The following ZNF469 variants were observed in gnomAD, a reference collection of about 807,000 sequenced individuals.
ZNF469 encodes zinc finger protein 469.
ZNF469 carries 1 observed loss-of-function variant against 1.0 expected under a neutral mutation model. That is an observed-to-expected ratio of 1.00 (90% CI 0.35 to 4.73). The LOEUF is 4.73. ZNF469 is among the 30% of genes most tolerant of loss of function. ZNF469 has a pLI of 0.16. For synonymous variants in ZNF469, 2,703 were observed against 2,363.4 expected (o/e 1.14, Z -4.17); for missense variants, 6,100 against 5,356.3 (o/e 1.14, Z -4.33).
At chr16:88,217,280 C>G in the ZNF469 span, among the ~76,000 whole-genome samples, 4 of 152,104 alleles carry the variant, frequency 2.6e-5, no homozygotes, top group Admixed American at 2.6e-4. Context: ...GCCAGGTACT[C>G]TGCTGAGTCA....
chr16:88,382,693 G>A (rs2092528290), upstream of ZNF469, among the ~76,000 whole-genome samples: 1 of 152,206 alleles, frequency 6.6e-6, no homozygotes, highest in African/African-American at 2.4e-5. Context: ...GCAGCCACTG[G>A]AAGCCACATG....
chr16:88,376,113 G>A, the ZNF469 span, among the ~76,000 whole-genome samples: 3 of 152,254 alleles, frequency 2.0e-5, no homozygotes, highest in African/African-American at 2.4e-5. Context: ...GGAGAAGGAC[G>A]CCGCTGTTCA....
At position 88,437,586 on chromosome 16, in the gene ZNF469, G is replaced by T; in HGVS notation, c.10116G>T (p.Arg3372=). 6.5e-7 allele frequency: 1 copy of T among 1,538,226 alleles called. No individual in the cohort carries two copies. ...QRVYLCPRCP[R]VYPEHGELLA... ...TCTACCTGTGCCCCCGGTGCCCCCG[G>T]GTCTACCCCGAGCACGGGGAGCTGC... The change falls in exon 3 of 3, where the codon CGG becomes CGT. Residue 3372 remains arginine (R), a synonymous_variant. Transcript: ENST00000565624.
chr16:88,313,328 A>G, the ZNF469 span, among the ~76,000 whole-genome samples: 1 of 152,248 alleles, frequency 6.6e-6, no homozygotes, highest in Admixed American at 6.5e-5. Context: ...AATCATATCA[A>G]CTAAAATGGT....
upstream of ZNF469, among the ~76,000 whole-genome samples, chr16:88,382,555 C>T (rs137874811): frequency 2.6e-5 from 4 of 152,344 alleles, no homozygotes; most frequent in Non-Finnish European, 5.9e-5. Context: ...CCACTCAAAC[C>T]GAACTTGCCC....
chr16:88,216,900 C>A, the ZNF469 span, among the ~76,000 whole-genome samples: 1 of 151,886 alleles, frequency 6.6e-6, no homozygotes, highest in Non-Finnish European at 1.5e-5. Flanking sequence ...CTGTCTTCTT[C>A]TTTGTCTAAT....
rs531001062 is a variant in ZNF469 at position 88,431,434 on chromosome 16, C to T, written c.3964C>T (p.Arg1322Cys). Residue 1322 changes from arginine (R) to cysteine (C), a missense_variant, in exon 3 of 3, where the codon CGC (arginine) becomes TGC (cysteine). Transcript: ENST00000565624. Reference sequence around the variant, plus strand: ...CCACAACAGCAAGGACCCCCCTGCCCGCCAGCCTGGAGAATTTCTGGCACC... The same window carrying T: ...CCACAACAGCAAGGACCCCCCTGCCTGCCAGCCTGGAGAATTTCTGGCACC... ...VSHNSKDPPARQPGEFLAPVA... is the reference protein window; with the variant it reads ...VSHNSKDPPACQPGEFLAPVA... 2.6e-6 allele frequency: 4 copies of T among 1,550,342 alleles called. No homozygotes were observed. The highest frequency in any genetic ancestry group is 2.7e-5 in the African/African-American group (2 of 73,178).
the ZNF469 span, among the ~76,000 whole-genome samples, chr16:88,316,548 T>G: frequency 7.1e-6 from 1 of 140,872 alleles, no homozygotes; most frequent in African/African-American, 2.7e-5. Flanking sequence ...GTGCTGTCTT[T>G]TTTTTTTTTT....
At chr16:88,399,798 A>G (rs150533579) in intron 1 of ZNF469, among the ~76,000 whole-genome samples, 16 of 152,270 alleles carry the variant, frequency 1.1e-4, no homozygotes, top group Admixed American at 2.6e-4. Context: ...CCAACGCCCA[A>G]TCTCGCAGGA....
At chr16:88,133,185 C>G in the ZNF469 span, among the ~76,000 whole-genome samples, 1 of 152,238 alleles carries the variant, frequency 6.6e-6, no homozygotes, top group East Asian at 1.9e-4. Flanking sequence ...AAGGCGGGCA[C>G]TGAAACAGGG....
chr16:88,229,588 G>A, the ZNF469 span, among the ~76,000 whole-genome samples: 214 of 131,464 alleles, frequency 1.6e-3, no homozygotes, highest in African/African-American at 5.3e-3. Context: ...CTGATGTCAC[G>A]CGTGTGGATG....
the ZNF469 span, among the ~76,000 whole-genome samples, chr16:88,108,323 C>G: frequency 6.6e-6 from 1 of 152,106 alleles, no homozygotes; most frequent in Non-Finnish European, 1.5e-5. Flanking sequence ...ACACTGTGGC[C>G]CTGGCCATCC....
chr16:88,124,910 T>G, the ZNF469 span, among the ~76,000 whole-genome samples: 4 of 152,244 alleles, frequency 2.6e-5, no homozygotes, highest in Non-Finnish European at 5.9e-5. Context: ...GATGTTTAAT[T>G]TATCAGTCTT....
chr16:88,293,083 A>G, the ZNF469 span, among the ~76,000 whole-genome samples: 1,062 of 152,280 alleles, frequency 7.0e-3, 9 homozygotes, highest in African/African-American at 0.024. Context: ...AGGCCTGTGG[A>G]TGGTGGGTGG....
intron 1 of ZNF469, among the ~76,000 whole-genome samples, chr16:88,416,568 A>G (rs1175357569): frequency 6.6e-6 from 1 of 152,232 alleles, no homozygotes; most frequent in African/African-American, 2.4e-5. Context: ...GGTAGGCCCC[A>G]GAAAAGACCA....
At chr16:88,282,783 C>G in the ZNF469 span, among the ~76,000 whole-genome samples, 3 of 152,212 alleles carry the variant, frequency 2.0e-5, no homozygotes, top group Non-Finnish European at 4.4e-5. Context: ...CATCTCCTGA[C>G]CTCGATGGAG....
the ZNF469 span, among the ~76,000 whole-genome samples, chr16:88,258,882 C>T: frequency 6.6e-6 from 1 of 152,184 alleles, no homozygotes; most frequent in Non-Finnish European, 1.5e-5. Flanking sequence ...CAGAGATGTC[C>T]ACAGCTTGCC....
chr16:88,143,605 G>A, the ZNF469 span, among the ~76,000 whole-genome samples: 2 of 152,248 alleles, frequency 1.3e-5, no homozygotes, highest in African/African-American at 4.8e-5. Flanking sequence ...GGTGGCCCAG[G>A]CCCAGGGCTG....
At chr16:88,133,521 T>C in the ZNF469 span, among the ~76,000 whole-genome samples, 1 of 152,204 alleles carries the variant, frequency 6.6e-6, no homozygotes. Context: ...TAATAATGTA[T>C]GTATTAAATG....
Sources: allele counts gnomAD v4.1 joint callset (sites outside exome capture counted in the v4.1 genomes callset), GRCh38; gene constraint gnomAD v4.1.1; transcripts MANE v1.5; gene names NCBI Gene and HGNC (gene_info 2026-07-23, HGNC 2026-07-21).